ZNF804A: variants seen among roughly 807,000 people sequenced by gnomAD.
ZNF804A encodes the protein zinc finger protein 804A.
A neutral mutation model predicts 16.5 loss-of-function variants in ZNF804A; 2 were observed. The observed-to-expected ratio is 0.12, with a 90% CI of 0.05 to 0.38. The LOEUF (loss-of-function observed/expected upper bound fraction) is 0.38. ZNF804A is among the 10% of genes least tolerant of loss of function. The pLI is 0.99. For synonymous variants in ZNF804A, 534 were observed against 489.6 expected (o/e 1.09, Z -1.20); for missense variants, 1,473 against 1,390.7 (o/e 1.06, Z -0.94).
At chr2:184,788,867 G>A (rs1694489321) in intron 1 of ZNF804A, among the ~76,000 whole-genome samples, 1 of 151,998 alleles carries the variant, frequency 6.6e-6, no homozygotes, top group South Asian at 2.1e-4. Context: ...CTCTTACTAT[G>A]TTGAGTAGGA....
At chr2:184,919,855 C>T (rs962018621) in intron 2 of ZNF804A, among the ~76,000 whole-genome samples, 18 of 152,124 alleles carry the variant, frequency 1.2e-4, no homozygotes, top group African/African-American at 4.3e-4. Flanking sequence ...GTGGCTTATG[C>T]CTGTAATCCC....
intron 1 of ZNF804A, among the ~76,000 whole-genome samples, chr2:184,798,356 T>C (rs1466165672): frequency 2.6e-5 from 4 of 151,944 alleles, no homozygotes; most frequent in Non-Finnish European, 5.9e-5. Context: ...AGATTTTTCT[T>C]CTTTTTCAGG....
chr2:184,693,270 G>T (rs565468074), intron 1 of ZNF804A, among the ~76,000 whole-genome samples: 60 of 152,148 alleles, frequency 3.9e-4, no homozygotes, highest in African/African-American at 1.3e-3. Context: ...TTTATAAGGG[G>T]TTATAGAATT....
chr2:184,621,146 T>C (rs1453762021), intron 1 of ZNF804A, among the ~76,000 whole-genome samples: 2 of 151,740 alleles, frequency 1.3e-5, no homozygotes, highest in Non-Finnish European at 3.0e-5. Flanking sequence ...TATTATCTCA[T>C]ACATTTTTAG....
At chr2:184,620,935 T>C (rs1691408138) in intron 1 of ZNF804A, among the ~76,000 whole-genome samples, 1 of 151,668 alleles carries the variant, frequency 6.6e-6, no homozygotes, top group East Asian at 1.9e-4. Context: ...TTCACAATTA[T>C]TTGGATTTTT....
chr2:184,780,972 G>A (rs1023863551), intron 1 of ZNF804A, among the ~76,000 whole-genome samples: 1 of 151,728 alleles, frequency 6.6e-6, no homozygotes, highest in Non-Finnish European at 1.5e-5. Context: ...ATAGAGAATA[G>A]CAGCAACTTA....
chr2:184,718,807 T>A (rs866364491), intron 1 of ZNF804A, among the ~76,000 whole-genome samples: 1 of 152,042 alleles, frequency 6.6e-6, no homozygotes, highest in African/African-American at 2.4e-5. Context: ...TGGCATTGAG[T>A]GTCTGTGGCT....
chr2:184,661,985 T>C, intron 1 of ZNF804A, among the ~76,000 whole-genome samples: 1 of 152,236 alleles, frequency 6.6e-6, no homozygotes, highest in African/African-American at 2.4e-5. Flanking sequence ...TTAAAGTTTT[T>C]GAAGAGAACA....
chr2:184,649,621 C>T (rs1691947309), intron 1 of ZNF804A, among the ~76,000 whole-genome samples: 1 of 151,838 alleles, frequency 6.6e-6, no homozygotes, highest in Non-Finnish European at 1.5e-5. Flanking sequence ...TACAAAAGAT[C>T]CTCAGAGACT....
At chr2:184,748,741 T>C (rs1693832954) in intron 1 of ZNF804A, among the ~76,000 whole-genome samples, 2 of 151,552 alleles carry the variant, frequency 1.3e-5, no homozygotes, top group Admixed American at 6.6e-5. Flanking sequence ...AAATGTTTTA[T>C]CAATTTGAGT....
intron 1 of ZNF804A, among the ~76,000 whole-genome samples, chr2:184,615,799 A>G (rs935069783): frequency 1.3e-5 from 2 of 152,172 alleles, no homozygotes; most frequent in African/African-American, 4.8e-5. Flanking sequence ...GGATGGCACA[A>G]AGACACAGGG....
At chr2:184,845,602 C>G (rs972694078) in intron 1 of ZNF804A, among the ~76,000 whole-genome samples, 4 of 152,034 alleles carry the variant, frequency 2.6e-5, no homozygotes, top group African/African-American at 7.2e-5. Flanking sequence ...TTGAATTGAG[C>G]TATGGAAAAC....
chr2:184,882,772 A>T (rs1035723313), intron 2 of ZNF804A, among the ~76,000 whole-genome samples: 1 of 152,080 alleles, frequency 6.6e-6, no homozygotes, highest in African/African-American at 2.4e-5. Context: ...AATCTCTGGG[A>T]CAGAGATAAG....
intron 2 of ZNF804A, among the ~76,000 whole-genome samples, chr2:184,881,793 A>C (rs1684813504): frequency 1.3e-5 from 2 of 152,112 alleles, no homozygotes; most frequent in Admixed American, 6.6e-5. Context: ...TCCTTAAGGG[A>C]GTGCTAAACA....
chr2:184,930,653 C>A (rs1262608690), intron 2 of ZNF804A, among the ~76,000 whole-genome samples: 1 of 152,140 alleles, frequency 6.6e-6, no homozygotes, highest in Non-Finnish European at 1.5e-5. Context: ...TAGGAGCCTA[C>A]TGTTATTTAT....
At chr2:184,730,035 A>G (rs941480257) in intron 1 of ZNF804A, among the ~76,000 whole-genome samples, 4 of 152,154 alleles carry the variant, frequency 2.6e-5, no homozygotes, top group African/African-American at 4.8e-5. Context: ...TACTATTAAT[A>G]TAACTACTAA....
chr2:184,939,245 A>C lies in ZNF804A; in HGVS notation c.*219A>C. The C allele has an allele frequency of 2.0e-6, 1 of 512,614 alleles. No individual in the cohort carries two copies. 31.8% of individuals were successfully genotyped at this position (512,614 alleles called of 1,614,324 possible). On this transcript the variant is annotated 3_prime_UTR_variant, in exon 4 of 4. Coordinates refer to ENST00000302277, the MANE Select transcript of ZNF804A (RefSeq NM_194250.2). ...TAAAGCACTGAATAGTTTGAAAATC[A>C]ATACAATATATGCTATATATTAAAA...
At chr2:184,903,196 T>G (rs1398140646) in intron 2 of ZNF804A, among the ~76,000 whole-genome samples, 6 of 152,152 alleles carry the variant, frequency 3.9e-5, no homozygotes, top group Admixed American at 3.9e-4. Flanking sequence ...TGTGTGTGAT[T>G]CAATGCTCAT....
intron 1 of ZNF804A, among the ~76,000 whole-genome samples, chr2:184,822,401 G>T (rs567728842): frequency 6.6e-6 from 1 of 152,090 alleles, no homozygotes; most frequent in South Asian, 2.1e-4. Context: ...ACACACTGGG[G>T]CCTGGCAGAG....
Sources: allele counts gnomAD v4.1 joint callset (sites outside exome capture counted in the v4.1 genomes callset), GRCh38; gene constraint gnomAD v4.1.1; transcripts MANE v1.5; gene names NCBI Gene and HGNC (gene_info 2026-07-23, HGNC 2026-07-21).